NUBPL: variants seen among roughly 807,000 people sequenced by gnomAD.
NUBPL encodes the protein NUBP iron-sulfur cluster assembly factor, mitochondrial.
In NUBPL, 31 loss-of-function variants were observed where a neutral mutation model predicts 45.7. The ratio of observed to expected loss-of-function variants is 0.68; its 90% CI spans 0.51 to 0.92. The LOEUF is 0.92. Ranked by LOEUF, NUBPL falls within the 40% of genes least tolerant of loss-of-function variation. The pLI is 0.00. For synonymous variants in NUBPL, 144 were observed against 140.9 expected, an observed-to-expected ratio of 1.02 and a Z score of -0.15; for missense variants, 401 against 398.7, an observed-to-expected ratio of 1.01 and a Z score of -0.05.
At chr14:31,820,251 C>T (rs111588026) in intron 7 of NUBPL, among the ~76,000 whole-genome samples, 2,036 of 152,076 alleles carry the variant, frequency 0.013, 42 homozygotes, top group African/African-American at 0.047. Flanking sequence ...AACTAAACTT[C>T]ATTTTTTGCT....
chr14:31,627,507 G>T (rs959055347), intron 4 of NUBPL, among the ~76,000 whole-genome samples: 1 of 151,884 alleles, frequency 6.6e-6, no homozygotes, highest in African/African-American at 2.4e-5. Context: ...GGCCGGGCAC[G>T]GTGGCTCACG....
At chr14:31,804,743 T>G (rs1413154566) in intron 7 of NUBPL, among the ~76,000 whole-genome samples, 1 of 152,048 alleles carries the variant, frequency 6.6e-6, no homozygotes, top group East Asian at 1.9e-4. Flanking sequence ...AAGCAGAAGA[T>G]TGAAGCTGGA....
At chr14:31,639,905 TCTC>T (rs2035631980) in intron 4 of NUBPL, among the ~76,000 whole-genome samples, 1 of 152,144 alleles carries the variant, frequency 6.6e-6, no homozygotes, top group African/African-American at 2.4e-5. Flanking sequence ...CGGGATATAA[TCTC>T]CTGATGCGCC....
In NUBPL at chr14:31,830,471, T is replaced by C. The variant is rs371423878; in HGVS notation, c.693+3757T>C. Among the ~76,000 whole-genome samples the C allele has an allele frequency of 3.9e-5, 6 of 152,322 alleles. No homozygotes were observed. In the East Asian group the frequency reaches 5.8e-4, roughly 15 times the overall value. On this transcript the variant is annotated intron_variant, in intron 8 of 10. Transcript: ENST00000281081. ...GATTATTTTTTTCATGCCACTGTAA[T>C]TTTACACATCCTGGTCCTTTGCCTG...
chr14:31,783,542 CAG>C (rs578010867), intron 6 of NUBPL, among the ~76,000 whole-genome samples: 50 of 131,126 alleles, frequency 3.8e-4, no homozygotes, highest in African/African-American at 1.4e-3. Flanking sequence ...TTCTCTGAGA[CAG>C]AGTCTTGCTG....
intron 6 of NUBPL, among the ~76,000 whole-genome samples, chr14:31,758,496 G>A (rs927087095): frequency 6.6e-6 from 1 of 152,042 alleles, no homozygotes; most frequent in Non-Finnish European, 1.5e-5. Context: ...TAAAATACCT[G>A]CATTTTCCGT....
chr14:31,611,138 T>G (rs1466681724), intron 4 of NUBPL, among the ~76,000 whole-genome samples: 1 of 152,180 alleles, frequency 6.6e-6, no homozygotes, highest in Non-Finnish European at 1.5e-5. Flanking sequence ...AGATGTCAAA[T>G]TATTCTTGTT....
chr14:31,721,435 A>G (rs2037804996), intron 6 of NUBPL, among the ~76,000 whole-genome samples: 1 of 152,206 alleles, frequency 6.6e-6, no homozygotes, highest in Non-Finnish European at 1.5e-5. Context: ...CTGGCTTAGT[A>G]TATGGCTGAA....
chr14:31,575,950 G>C lies in NUBPL; in HGVS notation c.291+10902G>C, dbSNP rs146777427. Among the ~76,000 whole-genome samples, 927 of 152,140 alleles carry C rather than the reference G, an allele frequency of 6.1e-3. 9 individuals carry two copies. The highest frequency in any genetic ancestry group is 0.021 in the African/African-American group (868 of 41,486). On this transcript the variant is annotated intron_variant, in intron 3 of 10. Coordinates refer to ENST00000281081, the MANE Select transcript of NUBPL (RefSeq NM_025152.3). ...GCTTGTCAATTCAAAGGCAATTCTTGGTAAGAAATGTGTTTTATATTTATA... is the reference window on the plus strand; with the variant it reads ...GCTTGTCAATTCAAAGGCAATTCTTCGTAAGAAATGTGTTTTATATTTATA...
At chr14:31,568,602 C>T (rs1020504800) in intron 3 of NUBPL, among the ~76,000 whole-genome samples, 3 of 152,116 alleles carry the variant, frequency 2.0e-5, no homozygotes, top group African/African-American at 7.2e-5. Flanking sequence ...AGGAATGCTA[C>T]GTTTTCTAGG....
chr14:31,601,029 G>A (rs1337829321), intron 4 of NUBPL, among the ~76,000 whole-genome samples: 16 of 152,138 alleles, frequency 1.1e-4, no homozygotes, highest in Non-Finnish European at 1.6e-4. Context: ...CCCATTGCTT[G>A]TTTTTCTCAG....
rs369076853 is a variant in NUBPL, at chr14:31,729,351, A to T, written c.513+55777A>T. 9.6e-5 allele frequency among the ~76,000 whole-genome samples: 14 copies of T among 145,804 alleles called. No individual in the cohort carries two copies. The East Asian group carries it at 3.1e-3, about 32-fold the overall frequency. On this transcript the variant is annotated intron_variant, in intron 6 of 10. Coordinates refer to ENST00000281081, the MANE Select transcript of NUBPL (RefSeq NM_025152.3). ...CCAGACACCATATGCAGAATATATG[A>T]TGAACAAAATGGGTGTGGCCCTTAG...
At chr14:31,661,615 C>T (rs2036271456) in intron 4 of NUBPL, among the ~76,000 whole-genome samples, 1 of 152,144 alleles carries the variant, frequency 6.6e-6, no homozygotes, top group African/African-American at 2.4e-5. Context: ...GATCTTGGCT[C>T]ACGGCAACCT....
chr14:31,768,405 T>G (rs1199388135), intron 6 of NUBPL, among the ~76,000 whole-genome samples: 1 of 152,246 alleles, frequency 6.6e-6, no homozygotes, highest in Non-Finnish European at 1.5e-5. Flanking sequence ...TAAGCATCCT[T>G]GGATGAGACT....
intron 4 of NUBPL, among the ~76,000 whole-genome samples, chr14:31,607,379 TC>T (rs1299787909): frequency 3.1e-5 from 4 of 130,006 alleles, no homozygotes; most frequent in African/African-American, 7.7e-5. Flanking sequence ...TGAGACTTTG[TC>T]TCAAAAAAAA....
intron 4 of NUBPL, among the ~76,000 whole-genome samples, chr14:31,612,178 A>G (rs1391469567): frequency 1.3e-5 from 2 of 152,250 alleles, no homozygotes; most frequent in African/African-American, 4.8e-5. Context: ...CTGACAAGAC[A>G]TTAATAATGA....
intron 7 of NUBPL, among the ~76,000 whole-genome samples, chr14:31,803,987 TG>T (rs1388139652): frequency 6.6e-6 from 1 of 152,136 alleles, no homozygotes; most frequent in Non-Finnish European, 1.5e-5. Context: ...TCAAACTCCC[TG>T]GTTCAAGGGA....
At chr14:31,576,589 C>CT (rs1294187075) in intron 3 of NUBPL, among the ~76,000 whole-genome samples, 1 of 152,102 alleles carries the variant, frequency 6.6e-6, no homozygotes, top group African/African-American at 2.4e-5. Flanking sequence ...AGCCTAGAGA[C>CT]TGTTTGGGAG....
intron 3 of NUBPL, among the ~76,000 whole-genome samples, chr14:31,572,210 G>T (rs1222980279): frequency 6.6e-6 from 1 of 151,750 alleles, no homozygotes; most frequent in African/African-American, 2.4e-5. Context: ...TGCAATCTTG[G>T]CTCACTGCAA....
Sources: gnomAD v4.1 joint callset for allele counts (sites outside exome capture counted in the v4.1 genomes callset) on GRCh38, gnomAD v4.1.1 for gene constraint, MANE v1.5 for transcripts, NCBI Gene and HGNC (gene_info 2026-07-23, HGNC 2026-07-21) for gene names.